The following KNDC1 variants were observed in gnomAD, a reference collection of about 807,000 sequenced individuals.
KNDC1 encodes the protein kinase non-catalytic C-lobe domain-containing protein 1.
KNDC1 carries 106 observed loss-of-function variants against 172.8 expected under a neutral mutation model. That is an observed-to-expected ratio of 0.61 (90% CI 0.52 to 0.72). KNDC1 has a LOEUF of 0.72. Among genes scored for constraint, KNDC1 ranks in the 30% least tolerant of loss-of-function variants. The pLI is 0.00. For synonymous variants in KNDC1, 1,083 were observed against 1,062.2 expected, an observed-to-expected ratio of 1.02 and a Z score of -0.38; for missense variants, 2,325 against 2,394.5, an observed-to-expected ratio of 0.97 and a Z score of 0.61.
At position 133,167,605 on chromosome 10, in the gene KNDC1, G is replaced by A. The variant is rs548050300; in HGVS notation, c.301+26G>A. On this transcript the variant is annotated intron_variant, in intron 2 of 29. Transcript: ENST00000304613. ...GTGAGGCGGCGGTGGCGGTGGCGGC[G>A]GCGGCGGGCACGCGGGGTGGAGGTG... The A allele has an allele frequency of 1.3e-4, 206 of 1,555,932 alleles. No individual in the cohort carries two copies. In the East Asian group the frequency reaches 2.4e-3, roughly 18 times the overall value.
intron 25 of KNDC1, 78 bp from the exon 26 acceptor site, chr10:133,213,894 C>G (rs1845424001): frequency 6.3e-7 from 1 of 1,580,026 alleles, no homozygotes; most frequent in Non-Finnish European, 8.7e-7. Context: ...CCCAGCCCAC[C>G]CTGCACCAGC....
chr10:133,187,133 C>G (rs1853943262), intron 6 of KNDC1, among the ~76,000 whole-genome samples: 1 of 152,250 alleles, frequency 6.6e-6, no homozygotes, highest in African/African-American at 2.4e-5. Context: ...GCTTGCTCAT[C>G]TGTGGGGCTT....
chr10:133,223,271 ATG>A lies in KNDC1; in HGVS notation c.5019-1369_5019-1368del, dbSNP rs375654196. ...CCCATCCAGGCATGCTCTTCTCGGC[ATG>A]TGTGTGTGTGTGTGTGTGAGAGCCC... On this transcript the variant is annotated intron_variant, in intron 29 of 29. Transcript: ENST00000304613. Among the ~76,000 whole-genome samples the A allele has an allele frequency of 4.1e-4, 9 of 21,792 alleles. 1 individual carries two copies. Among genetic ancestry groups the A allele is most frequent in the Non-Finnish European group, 5.5e-4 (5 of 9,082 alleles). The allele number at this position is 21,792 out of a possible 152,430, so 14.3% of individuals were successfully genotyped here.
rs752005574 is a variant in KNDC1, at chr10:133,210,715, C to T, written c.3899C>T (p.Thr1300Met). ...TTCCTCCTCGACCGCATCAACAGCA[C>T]GCTGACCAGGTACCAAGCTCCACAG... ...LHFLLDRINS[T>M]LTRAHQDPTS... is the part of the protein sequence containing the mutation. The change falls in exon 21 of 30, where the codon ACG (threonine) becomes ATG (methionine). Residue 1300 changes from threonine to methionine, a missense_variant. Physicochemically the swap from Thr to Met is moderately conservative, Grantham distance 81 (BLOSUM62 -1). Transcript: ENST00000304613. 20 of 1,612,426 alleles carry T rather than the reference C, an allele frequency of 1.2e-5. No homozygotes were observed. The highest frequency in any genetic ancestry group is 1.1e-4 in the East Asian group (5 of 44,886).
intron 6 of KNDC1, 84 bp from the exon 7 acceptor site, chr10:133,188,455 G>T: frequency 2.3e-6 from 2 of 863,736 alleles, no homozygotes; most frequent in Non-Finnish European, 1.8e-6. Context: ...GCCTCACCCT[G>T]GCCTGTCCCC....
chr10:133,210,784 C>A, intron 21 of KNDC1, 60 bp downstream of exon 21: 1 of 1,383,390 alleles, frequency 7.2e-7, no homozygotes, highest in African/African-American at 1.4e-5. Context: ...GGTGGGCGCC[C>A]ATGGGCCTGG....
chr10:133,177,177 T>C (rs1220377765), intron 3 of KNDC1, among the ~76,000 whole-genome samples: 6 of 102,630 alleles, frequency 5.8e-5, no homozygotes, highest in Admixed American at 2.2e-4. Context: ...GTATACAGTA[T>C]AGTGTGTCAT....
chr10:133,210,517 C>A, intron 20 of KNDC1, 94 bp from the exon 21 acceptor site: 2 of 748,150 alleles, frequency 2.7e-6, no homozygotes, highest in Non-Finnish European at 4.9e-6. Flanking sequence ...AGAAAACGCA[C>A]ACACACATAC....
In KNDC1 at chr10:133,183,982, G is replaced by A. The variant is rs368283381; in HGVS notation, c.618G>A (p.Ala206=). The A allele has an allele frequency of 2.2e-5, 35 of 1,564,624 alleles. No homozygotes were observed. Among genetic ancestry groups the A allele is most frequent in the South Asian group, 6.8e-5 (6 of 87,690 alleles). ...TCCTCTCCATCGAGTCCTTCGGAGC[G>A]CTGCAGGGTGAGTTCTTGAACCCAC... ...RRVLSIESFG[A]LQDVSESSWR... is the part of the protein sequence containing the mutation. Residue 206 remains alanine (A), a synonymous_variant, in exon 5 of 30, where the codon GCG becomes GCA. Coordinates refer to ENST00000304613, the MANE Select transcript of KNDC1 (RefSeq NM_152643.8).
At chr10:133,213,007 G>T (rs1845402819) in intron 24 of KNDC1, 85 bp downstream of exon 24, 1 of 1,216,622 alleles carries the variant, frequency 8.2e-7, no homozygotes, top group Non-Finnish European at 1.1e-6. Context: ...CTCAGCGGCT[G>T]CTTCCAGAGG....
chr10:133,184,162 G>GCA (rs532100824), intron 5 of KNDC1, among the ~76,000 whole-genome samples, 173 bp downstream of exon 5: 1 of 128,718 alleles, frequency 7.8e-6, no homozygotes, highest in Non-Finnish European at 1.6e-5. Context: ...CACACACACT[G>GCA]CACACACACC....
chr10:133,184,056 T>G, intron 5 of KNDC1, 67 bp downstream of exon 5: 1 of 884,216 alleles, frequency 1.1e-6, no homozygotes, highest in Non-Finnish European at 1.7e-6. Context: ...TATGCACACG[T>G]GCACATGCTG....
chr10:133,222,405 C>A (rs1043747301), intron 29 of KNDC1, among the ~76,000 whole-genome samples: 15 of 151,730 alleles, frequency 9.9e-5, no homozygotes, highest in African/African-American at 3.6e-4. Flanking sequence ...TTCTCAGCAT[C>A]CCCATGTGTG....
At chr10:133,202,550 G>C (rs1172816498) in intron 17 of KNDC1, 2 of 451,896 alleles carry the variant, frequency 4.4e-6, no homozygotes, top group African/African-American at 4.0e-5. Context: ...GATGACAGGA[G>C]GGGCCCAGTG....
chr10:133,214,592 C>T (rs1167379138), intron 26 of KNDC1, among the ~76,000 whole-genome samples: 3 of 152,246 alleles, frequency 2.0e-5, no homozygotes, highest in African/African-American at 7.2e-5. Context: ...AGGCCCCATC[C>T]CCTCTGTGCC....
intron 5 of KNDC1, among the ~76,000 whole-genome samples, chr10:133,185,697 G>A (rs1853878763): frequency 6.6e-6 from 1 of 150,714 alleles, no homozygotes; most frequent in African/African-American, 2.4e-5. Flanking sequence ...AAGCCCCAGA[G>A]GGAAGCCCCG....
rs762756444 is a variant in KNDC1, at chr10:133,224,850, T to C, written c.5210T>C (p.Ile1737Thr). The C allele has an allele frequency of 6.2e-7, 1 of 1,613,990 alleles. No homozygotes were observed. The highest frequency in any genetic ancestry group is 8.5e-7 in the Non-Finnish European group (1 of 1,180,012). ...TCCAGCGAGAAGCACTCACGGAAGA[T>C]TCAGGACAAGCTACGGAGGATGAAG... ...QVSSEKHSRK[I>T]QDKLRRMKAT... The change falls in exon 30 of 30, where the codon ATT (isoleucine) becomes ACT (threonine). Residue 1737 changes from isoleucine to threonine, a missense_variant. Transcript: ENST00000304613. The surrounding 1 kb of genome is among the most constrained non-coding windows in gnomAD (Gnocchi z 5.4).
At chr10:133,181,644 G>T (rs747482727) in intron 3 of KNDC1, among the ~76,000 whole-genome samples, 4 of 152,178 alleles carry the variant, frequency 2.6e-5, no homozygotes, top group Non-Finnish European at 5.9e-5. Context: ...GCAGGGCCAG[G>T]CATGGGACAG....
intron 3 of KNDC1, among the ~76,000 whole-genome samples, chr10:133,170,398 T>C (rs1276719964): frequency 1.3e-5 from 2 of 152,222 alleles, no homozygotes; most frequent in East Asian, 3.9e-4. Flanking sequence ...GCCTGGGGTC[T>C]GGCTCCTGCA....
Sources: gnomAD v4.1 joint callset for allele counts (sites outside exome capture counted in the v4.1 genomes callset) on GRCh38, gnomAD v4.1.1 for gene constraint, Gnocchi (gnomAD v3.1) non-coding constraint, MANE v1.5 for transcripts, NCBI Gene and HGNC (gene_info 2026-07-23, HGNC 2026-07-21) for gene names.